The following COL21A1 variants were observed in gnomAD, a reference collection of about 807,000 sequenced individuals.
The protein encoded by COL21A1 is collagen alpha-1(XXI) chain.
COL21A1 carries 149 observed loss-of-function variants against 137.9 expected under a neutral mutation model. The observed-to-expected ratio is 1.08, with a 90% CI of 0.95 to 1.24. The LOEUF (loss-of-function observed/expected upper bound fraction) is 1.24, where lower values mean the gene tolerates loss of function less well. Among genes scored for constraint, COL21A1 ranks in the 50% most tolerant of loss-of-function variants. The probability of loss-of-function intolerance (pLI) is 0.00; values close to 1 mark genes in which losing one functional copy is unlikely to be tolerated. For missense variants in COL21A1, 1,167 were observed against 1,158.4 expected, an observed-to-expected ratio of 1.01 and a Z score of -0.11; for synonymous variants, 456 against 391.5, an observed-to-expected ratio of 1.16 and a Z score of -1.95.
intron 1 of COL21A1, among the ~76,000 whole-genome samples, chr6:56,287,291 C>T (rs528738626): frequency 1.4e-3 from 218 of 152,246 alleles, no homozygotes; most frequent in African/African-American, 4.8e-3. Context: ...CAAAAATGTC[C>T]GTGTCCTAAT....
chr6:56,170,530 T>C (rs1368521542), intron 5 of COL21A1, 119 bp downstream of exon 5: 2 of 711,904 alleles, frequency 2.8e-6, no homozygotes, highest in Middle Eastern at 4.0e-4. Flanking sequence ...CATTAAAATT[T>C]AAAGTAAAAA....
At chr6:56,295,202 T>C (rs911160571) in intron 1 of COL21A1, among the ~76,000 whole-genome samples, 7 of 151,974 alleles carry the variant, frequency 4.6e-5, no homozygotes, top group African/African-American at 1.7e-4. Context: ...GTTGAAAAGA[T>C]TGGGTTTTTT....
At chr6:56,370,522 G>T (rs554212109) in intron 1 of COL21A1, among the ~76,000 whole-genome samples, 1 of 152,304 alleles carries the variant, frequency 6.6e-6, no homozygotes, top group South Asian at 2.1e-4. Context: ...CCTATAGCTG[G>T]TGTTATTCCT....
intron 20 of COL21A1, 100 bp from the exon 21 acceptor site, chr6:56,070,898 A>C (rs1007921211): frequency 1.1e-6 from 1 of 933,976 alleles, no homozygotes; most frequent in African/African-American, 1.7e-5. Flanking sequence ...TAACTTTTAC[A>C]TTTTTAACTT....
intron 17 of COL21A1, among the ~76,000 whole-genome samples, chr6:56,096,286 C>T (rs1017630581): frequency 4.6e-5 from 7 of 152,158 alleles, no homozygotes; most frequent in African/African-American, 1.7e-4. Context: ...CATCTATTGG[C>T]TCATTTGACT....
chr6:56,329,629 T>A (rs1765174597), intron 1 of COL21A1, among the ~76,000 whole-genome samples: 2 of 152,018 alleles, frequency 1.3e-5, no homozygotes, highest in African/African-American at 4.8e-5. Context: ...GCTGTTTGTG[T>A]AGCAATATGC....
intron 16 of COL21A1, among the ~76,000 whole-genome samples, chr6:56,104,273 T>C (rs1178047698): frequency 6.6e-6 from 1 of 152,184 alleles, no homozygotes; most frequent in Non-Finnish European, 1.5e-5. Flanking sequence ...TTCAATGTTC[T>C]ATTTCAAAGG....
chr6:56,363,081 T>C (rs1463926263), intron 1 of COL21A1, among the ~76,000 whole-genome samples: 1 of 152,172 alleles, frequency 6.6e-6, no homozygotes, highest in Non-Finnish European at 1.5e-5. Flanking sequence ...GTTTGACATC[T>C]GTTATGCACA....
chr6:56,108,966 C>T (rs1182094008), intron 16 of COL21A1, among the ~76,000 whole-genome samples: 3 of 151,686 alleles, frequency 2.0e-5, no homozygotes, highest in Non-Finnish European at 4.4e-5. Context: ...ACTTTTAACT[C>T]TTTAAACAAC....
At chr6:56,336,305 C>T (rs776025561) in intron 1 of COL21A1, among the ~76,000 whole-genome samples, 5 of 152,088 alleles carry the variant, frequency 3.3e-5, no homozygotes, top group Non-Finnish European at 7.3e-5. Flanking sequence ...ATTCTAATTC[C>T]TATATAATTT....
intron 16 of COL21A1, among the ~76,000 whole-genome samples, chr6:56,108,338 A>G (rs1002227279): frequency 2.0e-5 from 3 of 151,936 alleles, no homozygotes; most frequent in African/African-American, 7.2e-5. Flanking sequence ...GCAAAGACCA[A>G]CTCTACACTT....
intron 1 of COL21A1, among the ~76,000 whole-genome samples, chr6:56,254,292 G>A (rs1206668827): frequency 6.6e-6 from 1 of 152,226 alleles, no homozygotes; most frequent in African/African-American, 2.4e-5. Context: ...AGTTAAGAGG[G>A]AGGACAAAGA....
At position 56,167,578 on chromosome 6, in the gene COL21A1, A is replaced by T. The variant is rs375066271; in HGVS notation, c.1200+546T>A. On this transcript the variant is annotated intron_variant, in intron 6 of 29. Coordinates refer to ENST00000244728, the MANE Select transcript of COL21A1 (RefSeq NM_030820.4). Reference sequence around the variant, plus strand: ...ACCTTTTCAAATAAAGGGTTTTTCTAGAAATGGCATTTACAGACACATTTC... The same window carrying T: ...ACCTTTTCAAATAAAGGGTTTTTCTTGAAATGGCATTTACAGACACATTTC... 7.2e-5 allele frequency among the ~76,000 whole-genome samples: 11 copies of T among 152,354 alleles called. 1 individual carries two copies. The East Asian group carries it at 1.5e-3, about 21-fold the overall frequency.
chr6:56,098,881 A>G (rs1197717979), intron 17 of COL21A1, among the ~76,000 whole-genome samples: 1 of 147,894 alleles, frequency 6.8e-6, no homozygotes, highest in Non-Finnish European at 1.5e-5. Context: ...ACGCCCTGCT[A>G]ATTTTTTGTA....
rs1478537498 is a variant in COL21A1, at chr6:56,061,095, C to T, written c.2206-58G>A. On this transcript the variant is annotated intron_variant, in intron 25 of 29. Transcript: ENST00000244728. ...TTAAATATTTCAGGAGGTATAATTGCATCATGAAGCTCGTTAAGGATGTGA... is the reference window on the plus strand; with the variant it reads ...TTAAATATTTCAGGAGGTATAATTGTATCATGAAGCTCGTTAAGGATGTGA... The T allele has an allele frequency of 2.1e-6, 3 of 1,429,466 alleles. No homozygotes were observed. The East Asian group carries it at 7.2e-5, about 35-fold the overall frequency. 88.5% of individuals were successfully genotyped at this position (1,429,466 alleles called of 1,614,324 possible).
At chr6:56,129,707 A>AGG (rs1773362395) in intron 12 of COL21A1, among the ~76,000 whole-genome samples, 1 of 139,544 alleles carries the variant, frequency 7.2e-6, no homozygotes, top group Non-Finnish European at 1.5e-5. Flanking sequence ...TGTGAGAGAG[A>AGG]GAGAGAGAGA....
intron 1 of COL21A1, 63 bp from the exon 2 acceptor site, chr6:56,182,719 T>A: frequency 2.8e-6 from 2 of 710,478 alleles, no homozygotes; most frequent in Non-Finnish European, 4.8e-6. Flanking sequence ...CCATTATACA[T>A]TTACATTTTG....
At chr6:56,312,384 G>T (rs1169324838) in intron 1 of COL21A1, among the ~76,000 whole-genome samples, 1 of 152,186 alleles carries the variant, frequency 6.6e-6, no homozygotes, top group Non-Finnish European at 1.5e-5. Context: ...GGCCATGGGA[G>T]AAGGGGTAAA....
At chr6:56,184,811 T>C (rs980238782) in intron 1 of COL21A1, among the ~76,000 whole-genome samples, 2 of 152,180 alleles carry the variant, frequency 1.3e-5, no homozygotes, top group African/African-American at 4.8e-5. Context: ...AAAATGTAAC[T>C]TATTAATAGA....
Sources: allele counts gnomAD v4.1 joint callset (sites outside exome capture counted in the v4.1 genomes callset), GRCh38; gene constraint gnomAD v4.1.1; transcripts MANE v1.5; gene names NCBI Gene and HGNC (gene_info 2026-07-23, HGNC 2026-07-21).